The following PCLO variants were observed in gnomAD, a reference collection of about 807,000 sequenced individuals.
PCLO encodes protein piccolo.
In PCLO, 82 loss-of-function variants were observed where a neutral mutation model predicts 427.5. The observed-to-expected ratio is 0.19, with a 90% CI of 0.16 to 0.23. PCLO has a LOEUF of 0.23. PCLO is among the 10% of genes least tolerant of loss of function. The pLI is 1.00. For missense variants in PCLO, 6,239 were observed against 6,115.9 expected, an observed-to-expected ratio of 1.02 and a Z score of -0.67; for synonymous variants, 2,357 against 2,155.4, an observed-to-expected ratio of 1.09 and a Z score of -2.59.
chr7:83,094,999 G>A (rs541884735), intron 3 of PCLO, among the ~76,000 whole-genome samples: 26 of 152,198 alleles, frequency 1.7e-4, no homozygotes, highest in South Asian at 1.0e-3. Context: ...TGGGAAATGC[G>A]CCCTCATCTT....
At chr7:83,109,978 A>G (rs1790962006) in intron 3 of PCLO, among the ~76,000 whole-genome samples, 1 of 151,758 alleles carries the variant, frequency 6.6e-6, no homozygotes, top group Admixed American at 6.6e-5. Flanking sequence ...TGTACATTAC[A>G]TTGGGAGTTT....
chr7:82,905,265 T>G (rs1794159606), intron 8 of PCLO, among the ~76,000 whole-genome samples: 1 of 152,050 alleles, frequency 6.6e-6, no homozygotes, highest in African/African-American at 2.4e-5. Flanking sequence ...AGAGTTATTT[T>G]CATGAATCAA....
intron 12 of PCLO, among the ~76,000 whole-genome samples, chr7:82,846,311 A>T (rs1792500708): frequency 6.6e-6 from 1 of 152,192 alleles, no homozygotes; most frequent in African/African-American, 2.4e-5. Flanking sequence ...GAACTCATGC[A>T]GCAAGGATTT....
At chr7:83,059,589 AATTT>A (rs952340722) in intron 3 of PCLO, among the ~76,000 whole-genome samples, 13 of 152,020 alleles carry the variant, frequency 8.6e-5, no homozygotes, top group Middle Eastern at 3.4e-3. Context: ...TCATGACAGA[AATTT>A]ATTTAACCAA....
Position 82,956,064 on chromosome 7 carries a change from T to C in PCLO, c.4889A>G (p.His1630Arg), listed in dbSNP as rs1445880024. ...ATCAAATGCTTCATCGTCTTCATCATGCCATGAGTGACGTCTTCCTGCATC... is the reference window on the plus strand; with the variant it reads ...ATCAAATGCTTCATCGTCTTCATCACGCCATGAGTGACGTCTTCCTGCATC... Reference protein sequence around the residue: ...DEDAGRRHSWHDEDDEAFDES... With the variant: ...DEDAGRRHSWRDEDDEAFDES... Residue 1630 changes from histidine to arginine, a missense_variant, in exon 5 of 25, where the codon CAT (histidine) becomes CGT (arginine). Physicochemically the swap from His to Arg is conservative, Grantham distance 29 (BLOSUM62 0). Around this residue, in one of 5 missense-constraint regions of PCLO, gnomAD observed 4,677 missense variants for 4,468.4 expected, o/e 1.05. Transcript: ENST00000333891. 6.2e-7 allele frequency: 1 copy of C among 1,612,586 alleles called. No homozygotes were observed. The highest frequency in any genetic ancestry group is 8.5e-7 in the Non-Finnish European group (1 of 1,179,862).
rs1791820126 is a variant in PCLO, at chr7:82,822,554, T to C, written c.14732A>G (p.Asp4911Gly). The C allele has an allele frequency of 4.3e-6, 7 of 1,613,816 alleles. No homozygotes were observed. The Admixed American group carries it at 5.0e-5, about 12-fold the overall frequency. ...KTSVTQTHLE[D>G]AGAAIAAAEA... ...GGCAGCAGCTATGGCAGCCCCTGCA[T>C]CTTCCAGGTGGGTCTGAGTGACGCT... The change falls in exon 20 of 25, where the codon GAT becomes GGT. Residue 4911 changes from aspartate to glycine, a missense_variant. Coordinates refer to ENST00000333891, the MANE Select transcript of PCLO (RefSeq NM_033026.6).
rs538956816 is a variant in PCLO, at chr7:83,156,484, T to C, written c.249-92A>G. 7.7e-5 allele frequency: 58 copies of C among 756,390 alleles called. No homozygotes were observed. The African/African-American group carries it at 9.8e-4, about 13-fold the overall frequency. The allele number at this position is 756,390 out of a possible 1,614,324, so 46.9% of individuals were successfully genotyped here. ...ATACAAAAAACCTATTGCTTATATCTTCAAAATTATGAATGTATAAATATA... is the reference window on the plus strand; with the variant it reads ...ATACAAAAAACCTATTGCTTATATCCTCAAAATTATGAATGTATAAATATA... On this transcript the variant is annotated intron_variant, in intron 1 of 24. Coordinates refer to ENST00000333891, the MANE Select transcript of PCLO (RefSeq NM_033026.6).
chr7:83,089,140 CAT>C (rs1790313784), intron 3 of PCLO, among the ~76,000 whole-genome samples: 8 of 96,402 alleles, frequency 8.3e-5, no homozygotes, highest in Admixed American at 5.4e-4. Flanking sequence ...TGTATGTTTA[CAT>C]ACATACATAC....
chr7:82,879,870 C>T (rs1235155791), intron 9 of PCLO: 1 of 448,864 alleles, frequency 2.2e-6, no homozygotes, highest in Non-Finnish European at 4.5e-6. Flanking sequence ...AGACACAATC[C>T]AATCATACAT....
At chr7:83,157,254 C>T (rs904379834) in intron 1 of PCLO, among the ~76,000 whole-genome samples, 4 of 152,046 alleles carry the variant, frequency 2.6e-5, no homozygotes, top group Non-Finnish European at 5.9e-5. Flanking sequence ...GAGGAACAAC[C>T]CCATCTTTAT....
intron 3 of PCLO, among the ~76,000 whole-genome samples, chr7:83,094,787 A>G (rs1790490704): frequency 6.6e-6 from 1 of 152,180 alleles, no homozygotes. Flanking sequence ...TGGTACTTGC[A>G]TGTTTAGTTT....
At chr7:82,855,963 T>G (rs1209460112) in intron 10 of PCLO, among the ~76,000 whole-genome samples, 1 of 152,112 alleles carries the variant, frequency 6.6e-6, no homozygotes, top group African/African-American at 2.4e-5. Context: ...CTTTAGAAAG[T>G]TGAACACTAG....
Position 82,902,677 on chromosome 7 carries a change from CTTG to C in PCLO, c.13499_13501del (p.Thr4500del). 4 of 1,595,914 alleles carry C rather than the reference CTTG, an allele frequency of 2.5e-6. No homozygotes were observed. The highest frequency in any genetic ancestry group is 3.4e-6 in the Non-Finnish European group (4 of 1,164,654). The stretch of plus-strand genomic sequence containing the variant: ...TGAAACTGTGTGATCCTTTGAGTCT[CTTG>C]TTATTTTTATCCTTGCGTGAGGAAA... On this transcript the variant is annotated inframe_deletion, in exon 9 of 25. Transcript: ENST00000333891.
chr7:82,821,392 A>G (rs978927158), intron 20 of PCLO: 9 of 985,792 alleles, frequency 9.1e-6, no homozygotes, highest in Non-Finnish European at 1.1e-5. Context: ...CTTTTGCTCT[A>G]TTTAAATAGG....
intron 3 of PCLO, among the ~76,000 whole-genome samples, chr7:83,038,064 T>TC (rs1491411754): frequency 0.019 from 868 of 45,662 alleles, 74 homozygotes; most frequent in East Asian, 0.099. Flanking sequence ...TATATATATA[T>TC]TTATATATTT....
Position 82,966,375 on chromosome 7 carries a change from G to A in PCLO, c.3413C>T (p.Pro1138Leu), listed in dbSNP as rs1011566440. The change falls in exon 4 of 25, where the codon CCT becomes CTT. Residue 1138 changes from proline to leucine, a missense_variant. This residue lies in a region of PCLO where 4,677 missense variants were observed against 4,468.4 expected (regional missense o/e 1.05). Transcript: ENST00000333891. ...CTGAGATGATGATTCTGTAGGAACAGGCATAGGAGATGCTTTGGGTCCTGA... is the reference window on the plus strand; with the variant it reads ...CTGAGATGATGATTCTGTAGGAACAAGCATAGGAGATGCTTTGGGTCCTGA... ...APSGPKASPM[P>L]VPTESSSQKT... 5.0e-6 allele frequency: 8 copies of A among 1,613,784 alleles called. No individual in the cohort carries two copies. In the East Asian group the frequency reaches 1.6e-4, roughly 31 times the overall value.
chr7:82,812,456 T>C (rs1211008127), intron 20 of PCLO, among the ~76,000 whole-genome samples: 2 of 151,528 alleles, frequency 1.3e-5, no homozygotes, highest in Non-Finnish European at 3.0e-5. Context: ...GGGTTTTTAG[T>C]TCAGAAGTGA....
chr7:82,945,513 C>G (rs1419905014), intron 6 of PCLO, among the ~76,000 whole-genome samples: 1 of 152,016 alleles, frequency 6.6e-6, no homozygotes, highest in African/African-American at 2.4e-5. Flanking sequence ...TAGAGTAGGC[C>G]TAAATCAATA....
At chr7:82,879,114 A>G (rs1193009514) in intron 10 of PCLO, among the ~76,000 whole-genome samples, 2 of 152,190 alleles carry the variant, frequency 1.3e-5, no homozygotes, top group African/African-American at 2.4e-5. Flanking sequence ...CTTAAACAAG[A>G]TACTTCTGTA....
Sources: gnomAD v4.1 joint callset for allele counts (sites outside exome capture counted in the v4.1 genomes callset) on GRCh38, gnomAD v4.1.1 for gene constraint, gnomAD v4.1.1 regional missense constraint, MANE v1.5 for transcripts, NCBI Gene and HGNC (gene_info 2026-07-23, HGNC 2026-07-21) for gene names.